Variants in ULK4 observed in about 807,000 individuals in gnomAD.
ULK4 encodes the protein inactive serine/threonine-protein kinase ULK4.
A neutral mutation model predicts 160.6 loss-of-function variants in ULK4; 133 were observed. The ratio of observed to expected loss-of-function variants is 0.83; its 90% CI spans 0.72 to 0.96. The LOEUF is 0.96. Among genes scored for constraint, ULK4 ranks in the 40% least tolerant of loss-of-function variants. The pLI is 0.00. For missense variants in ULK4, 1,580 were observed against 1,499.5 expected (o/e 1.05, Z -0.89); for synonymous variants, 534 against 539.8 (o/e 0.99, Z 0.15).
chr3:41,570,717 C>A (rs868586643), intron 31 of ULK4, among the ~76,000 whole-genome samples: 3 of 152,270 alleles, frequency 2.0e-5, no homozygotes, highest in Admixed American at 6.5e-5. Context: ...TTTTCCTGTA[C>A]TCATGAGTGA....
intron 16 of ULK4, among the ~76,000 whole-genome samples, chr3:41,890,558 T>C (rs530213767): frequency 6.6e-6 from 1 of 151,422 alleles, no homozygotes; most frequent in African/African-American, 2.4e-5. Flanking sequence ...TGCACACCTG[T>C]AATCCCAGCT....
chr3:41,549,944 G>C (rs2087001920), intron 32 of ULK4, among the ~76,000 whole-genome samples: 1 of 151,970 alleles, frequency 6.6e-6, no homozygotes, highest in Non-Finnish European at 1.5e-5. Context: ...TGTGAGCTAA[G>C]AACACTATGT....
At chr3:41,389,417 G>T (rs897948668) in intron 35 of ULK4, among the ~76,000 whole-genome samples, 7 of 152,162 alleles carry the variant, frequency 4.6e-5, no homozygotes, top group African/African-American at 1.4e-4. Flanking sequence ...TGTTGAATAG[G>T]AGTGGTGAGA....
intron 31 of ULK4, among the ~76,000 whole-genome samples, chr3:41,601,227 T>C (rs1445134102): frequency 6.6e-6 from 1 of 152,138 alleles, no homozygotes; most frequent in Non-Finnish European, 1.5e-5. Flanking sequence ...AATATTTTTA[T>C]ATAATCCTAC....
chr3:41,654,161 T>C (rs1446593074), intron 30 of ULK4, among the ~76,000 whole-genome samples: 1 of 152,206 alleles, frequency 6.6e-6, no homozygotes, highest in Non-Finnish European at 1.5e-5. Context: ...AAGAAATCCA[T>C]TGCAAAGATA....
intron 35 of ULK4, among the ~76,000 whole-genome samples, chr3:41,302,516 T>A (rs941560615): frequency 2.2e-4 from 34 of 152,186 alleles, no homozygotes; most frequent in African/African-American, 8.0e-4. Context: ...ATTCTCTGAA[T>A]AATCAAATCT....
intron 35 of ULK4, among the ~76,000 whole-genome samples, chr3:41,388,853 T>TA (rs2081886239): frequency 6.6e-6 from 1 of 152,234 alleles, no homozygotes; most frequent in South Asian, 2.1e-4. Flanking sequence ...GACTTGGCTA[T>TA]ACAGGCTCTT....
At chr3:41,692,496 A>G (rs140199584) in intron 27 of ULK4, among the ~76,000 whole-genome samples, 163 of 151,914 alleles carry the variant, frequency 1.1e-3, no homozygotes, top group African/African-American at 3.9e-3. Flanking sequence ...ATTTATACAT[A>G]TACGTTATAT....
At chr3:41,574,050 C>T (rs542958441) in intron 31 of ULK4, among the ~76,000 whole-genome samples, 79 of 149,252 alleles carry the variant, frequency 5.3e-4, no homozygotes, top group Non-Finnish European at 9.0e-4. Context: ...GGAGCGGTGG[C>T]GCATGCCTAT....
At chr3:41,812,797 CTG>C (rs1182075231) in intron 19 of ULK4, among the ~76,000 whole-genome samples, 1 of 152,176 alleles carries the variant, frequency 6.6e-6, no homozygotes, top group Non-Finnish European at 1.5e-5. Flanking sequence ...GGGATCACTG[CTG>C]TGTTGATCTC....
intron 2 of ULK4, among the ~76,000 whole-genome samples, chr3:41,940,079 G>A (rs1181650044): frequency 6.6e-6 from 1 of 151,432 alleles, no homozygotes; most frequent in African/African-American, 2.4e-5. Context: ...CTTAAAGCTT[G>A]AAACTTACAC....
At chr3:41,957,607 G>A (rs1476696569) in intron 1 of ULK4, among the ~76,000 whole-genome samples, 5 of 151,966 alleles carry the variant, frequency 3.3e-5, no homozygotes, top group African/African-American at 1.2e-4. Context: ...CACCCCTTTG[G>A]GAGGCCAAGA....
At chr3:41,701,917 A>G (rs1328917048) in intron 27 of ULK4, among the ~76,000 whole-genome samples, 2 of 152,130 alleles carry the variant, frequency 1.3e-5, no homozygotes, top group Non-Finnish European at 2.9e-5. Context: ...TAGAAAGAAA[A>G]TATATAAATA....
rs544858927 is a variant in ULK4 at position 41,602,422 on chromosome 3, A to G, written c.3120+13247T>C. On this transcript the variant is annotated intron_variant, in intron 31 of 36. Transcript: ENST00000301831. Reference sequence around the variant, plus strand: ...GGGGGAAGGGAAGGGGAAAGGAAGGAGAAAGAAAAAAGAGAAAAGAGAAAG... The same window carrying G: ...GGGGGAAGGGAAGGGGAAAGGAAGGGGAAAGAAAAAAGAGAAAAGAGAAAG... Among the ~76,000 whole-genome samples, 4 of 152,000 alleles carry G rather than the reference A, an allele frequency of 2.6e-5. No individual in the cohort carries two copies. The South Asian group carries it at 8.3e-4, about 32-fold the overall frequency.
chr3:41,305,123 G>A (rs1361711458), intron 35 of ULK4, among the ~76,000 whole-genome samples: 1 of 152,146 alleles, frequency 6.6e-6, no homozygotes, highest in Non-Finnish European at 1.5e-5. Flanking sequence ...AGAAGCCAGA[G>A]CTTGATGGAG....
chr3:41,547,344 G>C (rs1575394384), intron 32 of ULK4, among the ~76,000 whole-genome samples: 1 of 152,288 alleles, frequency 6.6e-6, no homozygotes, highest in East Asian at 1.9e-4. Flanking sequence ...ATCTAAGAGA[G>C]AGCACTAGAA....
chr3:41,906,401 T>C (rs1263080100), intron 12 of ULK4, among the ~76,000 whole-genome samples: 1 of 151,976 alleles, frequency 6.6e-6, no homozygotes, highest in Non-Finnish European at 1.5e-5. Context: ...TGGTGGCATA[T>C]GCCTGTAGTT....
chr3:41,511,883 C>A (rs2125924695), intron 32 of ULK4, among the ~76,000 whole-genome samples: 1 of 152,182 alleles, frequency 6.6e-6, no homozygotes, highest in East Asian at 1.9e-4. Context: ...ATAAAAAAAT[C>A]CTCAACAAAA....
intron 27 of ULK4, among the ~76,000 whole-genome samples, chr3:41,686,272 T>C (rs2036097783): frequency 6.6e-6 from 1 of 152,176 alleles, no homozygotes; most frequent in South Asian, 2.1e-4. Context: ...AAAGACTCAA[T>C]TTATAAATAT....
Sources: gnomAD v4.1 joint callset for allele counts (sites outside exome capture counted in the v4.1 genomes callset) on GRCh38, gnomAD v4.1.1 for gene constraint, MANE v1.5 for transcripts, NCBI Gene and HGNC (gene_info 2026-07-23, HGNC 2026-07-21) for gene names.